The following SHANK2 variants were observed in gnomAD, a reference collection of about 807,000 sequenced individuals.
The protein encoded by SHANK2 is SH3 and multiple ankyrin repeat domains 2.
A neutral mutation model predicts 133.7 loss-of-function variants in SHANK2; 43 were observed. That is an observed-to-expected ratio of 0.32 (90% CI 0.25 to 0.41). The LOEUF (loss-of-function observed/expected upper bound fraction) is 0.41. Ranked by LOEUF, SHANK2 falls within the 10% of genes least tolerant of loss-of-function variation. The probability of loss-of-function intolerance (pLI) is 1.00; values close to 1 mark genes in which losing one functional copy is unlikely to be tolerated. For missense variants in SHANK2, 1,994 were observed against 2,235.8 expected (o/e 0.89, Z 2.18); for synonymous variants, 1,017 against 952.8 (o/e 1.07, Z -1.24).
intron 19 of SHANK2, 109 bp downstream of exon 19, chr11:70,502,097 A>T (rs2059062449): frequency 3.7e-6 from 5 of 1,343,294 alleles, no homozygotes; most frequent in Non-Finnish European, 5.2e-6. Context: ...CAGGGGCAGG[A>T]GGGGGGTAGC....
At chr11:70,489,666 G>A in intron 23 of SHANK2, 1 of 450,190 alleles carries the variant, frequency 2.2e-6, no homozygotes, top group East Asian at 4.1e-5. Context: ...CACAGTAAAG[G>A]CAATGCTGAA....
At chr11:70,734,347 G>T (rs1001213420) in intron 14 of SHANK2, among the ~76,000 whole-genome samples, 23 of 152,338 alleles carry the variant, frequency 1.5e-4, no homozygotes, top group African/African-American at 4.6e-4. Flanking sequence ...TCGAGTGAAG[G>T]TGTGTGAAGG....
chr11:70,773,406 G>A (rs1381833160), intron 14 of SHANK2, among the ~76,000 whole-genome samples: 2 of 152,218 alleles, frequency 1.3e-5, no homozygotes, highest in African/African-American at 4.8e-5. Flanking sequence ...AACTGGAAGA[G>A]CCATTAGCAA....
chr11:70,481,143 C>T (rs534525015), intron 25 of SHANK2, among the ~76,000 whole-genome samples: 100 of 152,352 alleles, frequency 6.6e-4, no homozygotes, highest in African/African-American at 2.3e-3. Context: ...TTAGAACTGA[C>T]GCCTCCATTC....
At chr11:71,098,753 G>C (rs12420697) in intron 6 of SHANK2, among the ~76,000 whole-genome samples, 1 of 151,984 alleles carries the variant, frequency 6.6e-6, no homozygotes, top group East Asian at 1.9e-4. Flanking sequence ...GGAAGGGGCC[G>C]ATCTTGCAAT....
rs781998262 is a variant in SHANK2 at position 70,502,808 on chromosome 11, C to T, written c.2185G>A (p.Ala729Thr). Reference sequence around the variant, plus strand: ...GTGGGGCATGTACCTTTCTTCCTGGCGGTGTCGTCGGGGTCCAGATTCCTG... The same window carrying T: ...GTGGGGCATGTACCTTTCTTCCTGGTGGTGTCGTCGGGGTCCAGATTCCTG... ...VTRNLDPDDTARKKAPPPPKR... is the reference protein window; with the variant it reads ...VTRNLDPDDTTRKKAPPPPKR... Residue 729 changes from alanine to threonine, a missense_variant, in exon 18 of 26, where the codon GCC (alanine) becomes ACC (threonine). Ala to Thr is a moderately conservative substitution (Grantham distance 58, BLOSUM62 0). Around this residue, in one of 5 missense-constraint regions of SHANK2, gnomAD observed 488 missense variants for 642.6 expected, o/e 0.76. Coordinates refer to ENST00000601538, the MANE Select transcript of SHANK2 (RefSeq NM_012309.5). 79 of 1,424,202 alleles carry T rather than the reference C, an allele frequency of 5.5e-5. No individual in the cohort carries two copies. In the South Asian group the frequency reaches 6.3e-4, roughly 11 times the overall value. The allele number at this position is 1,424,202 out of a possible 1,614,324, so 88.2% of individuals were successfully genotyped here. A position where few individuals can be genotyped will look rare whatever the true frequency, so the allele number is the denominator to read the frequency against.
chr11:70,903,749 C>T (rs1950058608), intron 10 of SHANK2, among the ~76,000 whole-genome samples: 1 of 152,214 alleles, frequency 6.6e-6, no homozygotes, highest in Non-Finnish European at 1.5e-5. Context: ...CATTGCAACA[C>T]CGCAGAGACT....
At chr11:71,243,469 C>T (rs1324941165) in intron 1 of SHANK2, among the ~76,000 whole-genome samples, 2 of 152,002 alleles carry the variant, frequency 1.3e-5, no homozygotes, top group South Asian at 2.1e-4. Flanking sequence ...CTGAGGCGGG[C>T]GGATCACGAG....
chr11:70,852,074 AGCAGGACTACT>A (rs1949094730), intron 11 of SHANK2, among the ~76,000 whole-genome samples: 1 of 152,210 alleles, frequency 6.6e-6, no homozygotes, highest in East Asian at 1.9e-4. Flanking sequence ...TGCCCAGGGA[AGCAGGACTACT>A]GCAGGAGTCC....
chr11:71,214,850 C>T (rs975167368), intron 2 of SHANK2, among the ~76,000 whole-genome samples: 3 of 152,242 alleles, frequency 2.0e-5, no homozygotes, highest in African/African-American at 7.2e-5. Context: ...CCAGCAGGTG[C>T]TCGATGGGAG....
chr11:70,811,859 T>A lies in SHANK2; in HGVS notation c.1494-4688A>T, dbSNP rs539152948. Among the ~76,000 whole-genome samples, 18 of 152,292 alleles carry A rather than the reference T, an allele frequency of 1.2e-4. 1 individual carries two copies. Among genetic ancestry groups the A allele is most frequent in the Admixed American group, 9.8e-4 (15 of 15,292 alleles). ...ATCCATGCATCTACCCATCCACCCA[T>A]CCATCTTATCATTTTTCTGAACATC... On this transcript the variant is annotated intron_variant, in intron 12 of 25. Coordinates refer to ENST00000601538, the MANE Select transcript of SHANK2 (RefSeq NM_012309.5).
intron 17 of SHANK2, among the ~76,000 whole-genome samples, chr11:70,579,778 G>A (rs1361490329): frequency 1.3e-5 from 2 of 152,242 alleles, no homozygotes; most frequent in Non-Finnish European, 2.9e-5. Context: ...ACCTGGAGAT[G>A]GCCCTGATGT....
chr11:71,092,504 T>A lies in SHANK2; in HGVS notation c.830A>T (p.Asp277Val), dbSNP rs1555094281. The part of the protein sequence containing the change: ...PLYHTAIVGG[D>V]PYCCELLLHE... ...CAGGAGAAGCTCGCAGCAGTAGGGATCACCTCCGACGATGGCTGTGTGATA... is the reference window on the plus strand; with the variant it reads ...CAGGAGAAGCTCGCAGCAGTAGGGAACACCTCCGACGATGGCTGTGTGATA... Residue 277 changes from aspartate (D) to valine (V), a missense_variant, in exon 8 of 26, where the codon GAT (aspartate) becomes GTT (valine). Around this residue, in one of 5 missense-constraint regions of SHANK2, gnomAD observed 653 missense variants for 563.4 expected, o/e 1.16. Coordinates refer to ENST00000601538, the MANE Select transcript of SHANK2 (RefSeq NM_012309.5). The A allele has an allele frequency of 1.3e-6, 2 of 1,551,546 alleles. No homozygotes were observed. The highest frequency in any genetic ancestry group is 1.7e-6 in the Non-Finnish European group (2 of 1,146,996).
intron 14 of SHANK2, among the ~76,000 whole-genome samples, chr11:70,772,120 G>A (rs1375105166): frequency 1.3e-5 from 2 of 152,078 alleles, no homozygotes; most frequent in African/African-American, 4.8e-5. Flanking sequence ...CATGGGGCCC[G>A]TGTAACAGTG....
At chr11:70,950,816 T>C (rs1474893391) in intron 10 of SHANK2, among the ~76,000 whole-genome samples, 1 of 151,988 alleles carries the variant, frequency 6.6e-6, no homozygotes, top group African/African-American at 2.4e-5. Flanking sequence ...TATGTATGTG[T>C]TTTTTGTTTT....
intron 14 of SHANK2, among the ~76,000 whole-genome samples, chr11:70,716,865 G>C (rs58776623): frequency 6.7e-6 from 1 of 150,064 alleles, no homozygotes; most frequent in African/African-American, 2.5e-5. Flanking sequence ...GGTGGCAGGC[G>C]CCTCACATCT....
In SHANK2 at chr11:70,803,205, C is replaced by T. The variant is rs192693316; in HGVS notation, c.1663+3797G>A. On this transcript the variant is annotated intron_variant, in intron 13 of 25. Coordinates refer to ENST00000601538, the MANE Select transcript of SHANK2 (RefSeq NM_012309.5). ...TTTAGAAAACTCTGTCATTCTTTCA[C>T]GCTGCCATGCACTCACTCACTCACC... 8.9e-4 allele frequency among the ~76,000 whole-genome samples: 134 copies of T among 150,962 alleles called. 1 individual carries two copies. Among genetic ancestry groups the T allele is most frequent in the African/African-American group, 2.9e-3 (118 of 41,054 alleles).
intron 15 of SHANK2, among the ~76,000 whole-genome samples, chr11:70,662,920 C>T (rs1301827678): frequency 6.6e-6 from 1 of 152,022 alleles, no homozygotes; most frequent in African/African-American, 2.4e-5. Context: ...TGAAGGCTAC[C>T]GGCACCCCCC....
At chr11:70,631,374 T>TTA in intron 17 of SHANK2, 1 of 36,388 alleles carries the variant, frequency 2.7e-5, no homozygotes. Flanking sequence ...GTTCCCGGAG[T>TTA]TACACACACA....
Sources: allele counts gnomAD v4.1 joint callset (sites outside exome capture counted in the v4.1 genomes callset), GRCh38; gene constraint gnomAD v4.1.1; regional missense constraint gnomAD v4.1.1; transcripts MANE v1.5; gene names NCBI Gene and HGNC (gene_info 2026-07-23, HGNC 2026-07-21).